Variants in PCLO observed in about 807,000 individuals in gnomAD.
PCLO encodes the protein protein piccolo.
A neutral mutation model predicts 427.5 loss-of-function variants in PCLO; 82 were observed. The ratio of observed to expected loss-of-function variants is 0.19; its 90% CI spans 0.16 to 0.23. The LOEUF is 0.23. Ranked by LOEUF, PCLO falls within the 10% of genes least tolerant of loss-of-function variation. PCLO has a pLI of 1.00. For synonymous variants in PCLO, 2,357 were observed against 2,155.4 expected, an observed-to-expected ratio of 1.09 and a Z score of -2.59; for missense variants, 6,239 against 6,115.9, an observed-to-expected ratio of 1.02 and a Z score of -0.67.
chr7:82,845,455 G>A lies in PCLO; in HGVS notation c.13862C>T (p.Pro4621Leu). The A allele has an allele frequency of 1.2e-6, 2 of 1,612,792 alleles. No homozygotes were observed. Among genetic ancestry groups the A allele is most frequent in the Non-Finnish European group, 1.7e-6 (2 of 1,179,294 alleles). Reference sequence around the variant, plus strand: ...CTGGAGTTCTGCTGCCAACTGCTTAGGATCAACCCCTGGGGATTTCGCCTT... The same window carrying A: ...CTGGAGTTCTGCTGCCAACTGCTTAAGATCAACCCCTGGGGATTTCGCCTT... ...VDKAKSPGVD[P>L]KQLAAELQKV... The change falls in exon 13 of 25, where the codon CCT becomes CTT. Residue 4621 changes from proline to leucine, a missense_variant. Pro to Leu is a moderately conservative substitution (Grantham distance 98). Around this residue, in one of 5 missense-constraint regions of PCLO, gnomAD observed 877 missense variants for 925.5 expected, o/e 0.95. Transcript: ENST00000333891.
intron 4 of PCLO, among the ~76,000 whole-genome samples, chr7:82,960,333 C>T (rs759280331): frequency 4.6e-5 from 7 of 152,176 alleles, no homozygotes; most frequent in Non-Finnish European, 7.4e-5. Context: ...ATGCTCTCAT[C>T]TAAGCACTAT....
chr7:82,982,800 C>T (rs1796175059), intron 3 of PCLO, among the ~76,000 whole-genome samples: 1 of 151,866 alleles, frequency 6.6e-6, no homozygotes, highest in African/African-American at 2.4e-5. Flanking sequence ...CTGGTACAAT[C>T]TATGAAATTC....
chr7:82,976,434 C>T (rs748743879), intron 3 of PCLO, among the ~76,000 whole-genome samples: 10 of 152,216 alleles, frequency 6.6e-5, no homozygotes, highest in South Asian at 4.1e-4. Context: ...AATCTCTATA[C>T]CAAATCTCTT....
chr7:82,881,609 A>G (rs1210974541), intron 9 of PCLO, among the ~76,000 whole-genome samples: 1 of 152,094 alleles, frequency 6.6e-6, no homozygotes, highest in Non-Finnish European at 1.5e-5. Context: ...CATATAGTTA[A>G]TTTTCAACAA....
At chr7:83,000,108 C>T (rs950027686) in intron 3 of PCLO, among the ~76,000 whole-genome samples, 4 of 149,584 alleles carry the variant, frequency 2.7e-5, no homozygotes, top group African/African-American at 9.8e-5. Flanking sequence ...CATATTCAAA[C>T]CACAGAGGAT....
intron 22 of PCLO, among the ~76,000 whole-genome samples, chr7:82,777,406 TAAAA>T (rs1790777441): frequency 6.6e-6 from 1 of 152,080 alleles, no homozygotes; most frequent in South Asian, 2.1e-4. Context: ...AAAAATATTT[TAAAA>T]TTCATATGAA....
intron 3 of PCLO, among the ~76,000 whole-genome samples, chr7:83,107,639 ATAAT>A (rs1349254297): frequency 1.3e-5 from 2 of 151,264 alleles, no homozygotes; most frequent in East Asian, 1.9e-4. Context: ...GTTATTAATA[ATAAT>A]TAATACTAAT....
intron 3 of PCLO, among the ~76,000 whole-genome samples, chr7:83,024,208 T>C (rs1788420689): frequency 6.6e-6 from 1 of 152,126 alleles, no homozygotes; most frequent in Non-Finnish European, 1.5e-5. Context: ...TTCATCTTAC[T>C]AGGGAGTGCC....
intron 3 of PCLO, among the ~76,000 whole-genome samples, chr7:83,042,623 G>A (rs1231744935): frequency 6.6e-6 from 1 of 152,156 alleles, no homozygotes; most frequent in Admixed American, 6.5e-5. Context: ...CACTTTGGGA[G>A]GCAGAGGTGG....
At chr7:82,889,721 A>C (rs909181012) in intron 9 of PCLO, among the ~76,000 whole-genome samples, 5 of 152,166 alleles carry the variant, frequency 3.3e-5, no homozygotes, top group African/African-American at 1.2e-4. Context: ...CATAAATGCC[A>C]ATCAATTAGA....
intron 10 of PCLO, among the ~76,000 whole-genome samples, chr7:82,864,647 T>C (rs977706610): frequency 6.6e-6 from 1 of 152,200 alleles, no homozygotes; most frequent in Non-Finnish European, 1.5e-5. Context: ...GTTTTCTCTG[T>C]TTCTTGTACA....
At chr7:83,001,505 A>C (rs80084279) in intron 3 of PCLO, among the ~76,000 whole-genome samples, 7 of 149,148 alleles carry the variant, frequency 4.7e-5, no homozygotes, top group South Asian at 4.2e-4. Flanking sequence ...CACACATACA[A>C]ACACACACAC....
intron 3 of PCLO, among the ~76,000 whole-genome samples, chr7:83,126,580 T>TA (rs1011397425): frequency 6.6e-6 from 1 of 151,652 alleles, no homozygotes; most frequent in Non-Finnish European, 1.5e-5. Flanking sequence ...TGCATAAAAA[T>TA]AAAAAAATTC....
At position 82,914,815 on chromosome 7, in the gene PCLO, G is replaced by T; in HGVS notation, c.13171C>A (p.Gln4391Lys). The change falls in exon 7 of 25, where the codon CAG (glutamine) becomes AAG (lysine). Residue 4391 changes from glutamine to lysine, a missense_variant. Transcript: ENST00000333891. ...LPPISADTRDQFGSSHSLPEV... is the reference protein window; with the variant it reads ...LPPISADTRDKFGSSHSLPEV... ...GGCAATGAGTGGCTTGATCCAAACT[G>T]ATCCCTGGTGTCTGCAGATATTGGT... 6.2e-7 allele frequency: 1 copy of T among 1,613,466 alleles called. No individual in the cohort carries two copies. The highest frequency in any genetic ancestry group is 8.5e-7 in the Non-Finnish European group (1 of 1,179,686).
intron 20 of PCLO, 80 bp from the exon 21 acceptor site, chr7:82,805,909 T>C: frequency 1.5e-6 from 2 of 1,361,100 alleles, no homozygotes; most frequent in East Asian, 5.0e-5. Context: ...TTATACATCT[T>C]CTTAATTTAC....
At chr7:82,885,768 T>C (rs1245328124) in intron 9 of PCLO, among the ~76,000 whole-genome samples, 3 of 150,976 alleles carry the variant, frequency 2.0e-5, no homozygotes, top group African/African-American at 7.4e-5. Flanking sequence ...CTCATTGGAT[T>C]TTAAAATAAA....
intron 2 of PCLO, among the ~76,000 whole-genome samples, chr7:83,136,055 G>A (rs1037068076): frequency 2.0e-5 from 3 of 151,638 alleles, no homozygotes; most frequent in African/African-American, 7.2e-5. Flanking sequence ...CCGAGATCGC[G>A]CCATTGCACT....
chr7:82,896,818 G>A (rs1793915666), intron 9 of PCLO, among the ~76,000 whole-genome samples: 1 of 151,670 alleles, frequency 6.6e-6, no homozygotes, highest in African/African-American at 2.4e-5. Context: ...TATTTCCTAA[G>A]AAGACAATGC....
At chr7:82,878,500 C>T (rs1251861259) in intron 10 of PCLO, among the ~76,000 whole-genome samples, 2 of 152,006 alleles carry the variant, frequency 1.3e-5, no homozygotes, top group African/African-American at 4.8e-5. Flanking sequence ...TCATCAAAAC[C>T]TTGCAAACTA....
Sources: allele counts gnomAD v4.1 joint callset (sites outside exome capture counted in the v4.1 genomes callset), GRCh38; gene constraint gnomAD v4.1.1; regional missense constraint gnomAD v4.1.1; transcripts MANE v1.5; gene names NCBI Gene and HGNC (gene_info 2026-07-23, HGNC 2026-07-21).